SFXN5: variants seen among roughly 807,000 people sequenced by gnomAD.
SFXN5 encodes the protein sideroflexin-5.
In SFXN5, 43 loss-of-function variants were observed where a neutral mutation model predicts 50.2. The ratio of observed to expected loss-of-function variants is 0.86; its 90% confidence interval spans 0.67 to 1.11. SFXN5 has a LOEUF of 1.11. Ranked by LOEUF, SFXN5 falls within the 50% of genes least tolerant of loss-of-function variation. The probability of loss-of-function intolerance (pLI) is 0.00; values close to 1 mark genes in which losing one functional copy is unlikely to be tolerated. For missense variants in SFXN5, 463 were observed against 454.1 expected (o/e 1.02, Z -0.18); for synonymous variants, 203 against 185.8 (o/e 1.09, Z -0.75).
chr2:73,050,671 CAA>C (rs1169270596), intron 2 of SFXN5, among the ~76,000 whole-genome samples: 1 of 152,224 alleles, frequency 6.6e-6, no homozygotes, highest in African/African-American at 2.4e-5. Context: ...GTGGCAACCT[CAA>C]AGATCTGAAA....
chr2:72,972,921 G>A (rs1262499278), intron 10 of SFXN5, among the ~76,000 whole-genome samples: 2 of 152,086 alleles, frequency 1.3e-5, no homozygotes, highest in Non-Finnish European at 2.9e-5. Context: ...CAGTGGGGGG[G>A]GCCACCAGGG....
intron 10 of SFXN5, among the ~76,000 whole-genome samples, chr2:72,977,247 G>A (rs1054470605): frequency 3.3e-5 from 5 of 152,162 alleles, no homozygotes; most frequent in East Asian, 1.9e-4. Context: ...TGGATGCCCC[G>A]CCTGAGACTC....
At chr2:72,983,908 G>A (rs957907547) in intron 10 of SFXN5, among the ~76,000 whole-genome samples, 2 of 152,168 alleles carry the variant, frequency 1.3e-5, no homozygotes, top group African/African-American at 4.8e-5. Flanking sequence ...AGCTGGGGGT[G>A]TGTATTTTTC....
chr2:73,067,508 G>A (rs565152408), intron 1 of SFXN5, among the ~76,000 whole-genome samples: 5 of 152,336 alleles, frequency 3.3e-5, no homozygotes, highest in African/African-American at 9.6e-5. Flanking sequence ...AGGACAATGG[G>A]TGAGGGCTAG....
intron 6 of SFXN5, among the ~76,000 whole-genome samples, chr2:73,016,018 T>G (rs1272739353): frequency 6.6e-6 from 1 of 152,212 alleles, no homozygotes; most frequent in Non-Finnish European, 1.5e-5. Context: ...CAGAAATGTA[T>G]TCATTTCTTC....
At chr2:73,054,487 AAGG>A (rs1327276172) in intron 2 of SFXN5, among the ~76,000 whole-genome samples, 6 of 152,216 alleles carry the variant, frequency 3.9e-5, no homozygotes, top group South Asian at 2.1e-4. Context: ...ATTGTGGTAC[AAGG>A]AGGAGAGTAG....
At chr2:73,052,371 T>C (rs904821694) in intron 2 of SFXN5, among the ~76,000 whole-genome samples, 57 of 149,514 alleles carry the variant, frequency 3.8e-4, no homozygotes, top group East Asian at 9.7e-4. Flanking sequence ...TGTGTGTGTG[T>C]GTGTGTGTGT....
intron 1 of SFXN5, 125 bp downstream of exon 1, chr2:73,071,478 TG>T (rs1178641248): frequency 9.9e-6 from 8 of 805,912 alleles, no homozygotes; most frequent in Non-Finnish European, 1.6e-5. Flanking sequence ...GTTCCCCCCC[TG>T]GCGCTAGCTG....
intron 6 of SFXN5, among the ~76,000 whole-genome samples, chr2:73,016,500 T>C (rs1574126083): frequency 6.6e-6 from 1 of 150,650 alleles, no homozygotes; most frequent in Non-Finnish European, 1.5e-5. Flanking sequence ...AGGCCAGGAG[T>C]TCAAGACTAG....
chr2:72,997,487 T>A (rs909028065), intron 9 of SFXN5: 1 of 152,246 alleles, frequency 6.6e-6, no homozygotes, highest in South Asian at 2.1e-4. Context: ...TAAGCAATCC[T>A]CCCAACTCAG....
At position 73,069,167 on chromosome 2, in the gene SFXN5, C is replaced by A. The variant is rs59641381; in HGVS notation, c.102+2437G>T. Among the ~76,000 whole-genome samples, 4 of 152,108 alleles carry A rather than the reference C, an allele frequency of 2.6e-5. No individual in the cohort carries two copies. In the East Asian group the frequency reaches 7.7e-4, roughly 29 times the overall value. On this transcript the variant is annotated intron_variant, in intron 1 of 13. Transcript: ENST00000272433. ...TGGAGGGTATTTAAATCTACAAGGGCGTAGGGAGTCCCTTGATCAGATCTG... is the reference window on the plus strand; with the variant it reads ...TGGAGGGTATTTAAATCTACAAGGGAGTAGGGAGTCCCTTGATCAGATCTG...
intron 1 of SFXN5, among the ~76,000 whole-genome samples, chr2:73,067,973 A>G (rs574482431): frequency 6.6e-6 from 1 of 152,310 alleles, no homozygotes; most frequent in East Asian, 1.9e-4. Flanking sequence ...GTCAATACAC[A>G]AAAAGGCTGG....
intron 1 of SFXN5, 63 bp downstream of exon 1, chr2:73,071,541 A>C (rs1683624827): frequency 2.0e-6 from 3 of 1,489,542 alleles, no homozygotes; most frequent in Admixed American, 1.9e-5. Context: ...GGGACTTTGG[A>C]GGGGAGTTTG....
intron 12 of SFXN5, 40 bp downstream of exon 12, chr2:72,968,408 C>A (rs758278826): frequency 2.5e-6 from 4 of 1,576,328 alleles, no homozygotes; most frequent in South Asian, 1.1e-5. Flanking sequence ...TCCCCCTCCT[C>A]CCCCATGGTG....
At chr2:73,020,195 A>C (rs376979652) in intron 6 of SFXN5, 44 bp downstream of exon 6, 3 of 1,583,964 alleles carry the variant, frequency 1.9e-6, no homozygotes, top group South Asian at 1.1e-5. Flanking sequence ...TAGACATTTA[A>C]AATAATTTTT....
At chr2:73,003,645 C>T (rs1574086554) in intron 6 of SFXN5, among the ~76,000 whole-genome samples, 1 of 152,206 alleles carries the variant, frequency 6.6e-6, no homozygotes, top group Non-Finnish European at 1.5e-5. Context: ...GATTCTGTGC[C>T]CAAACCTCAC....
intron 11 of SFXN5, among the ~76,000 whole-genome samples, chr2:72,969,665 G>T (rs1225815802): frequency 6.6e-6 from 1 of 151,554 alleles, no homozygotes; most frequent in African/African-American, 2.4e-5. Flanking sequence ...AAAATGCTGG[G>T]ATTACAGGTG....
chr2:72,998,825 C>G, intron 9 of SFXN5, 124 bp downstream of exon 9: 3 of 1,047,884 alleles, frequency 2.9e-6, no homozygotes, highest in Non-Finnish European at 4.2e-6. Flanking sequence ...ACTCCTCCAC[C>G]CACAGAAACC....
chr2:72,993,462 A>C (rs980057754), intron 9 of SFXN5, among the ~76,000 whole-genome samples: 13 of 152,196 alleles, frequency 8.5e-5, no homozygotes, highest in Non-Finnish European at 1.6e-4. Context: ...TGCTGGCAAC[A>C]GTGACCAATC....
Sources: allele counts gnomAD v4.1 joint callset (sites outside exome capture counted in the v4.1 genomes callset), GRCh38; gene constraint gnomAD v4.1.1; transcripts MANE v1.5; gene names NCBI Gene and HGNC (gene_info 2026-07-23, HGNC 2026-07-21).